ZMAT4: variants seen among roughly 807,000 people sequenced by gnomAD.
ZMAT4 encodes zinc finger matrin-type 4.
In ZMAT4, 17 loss-of-function variants were observed where a neutral mutation model predicts 28.7. The ratio of observed to expected loss-of-function variants is 0.59; its 90% CI spans 0.41 to 0.89. The LOEUF (loss-of-function observed/expected upper bound fraction) is 0.89. ZMAT4 is among the 40% of genes least tolerant of loss of function. ZMAT4 has a pLI of 0.00. For missense variants in ZMAT4, 240 were observed against 283.8 expected, an observed-to-expected ratio of 0.85 and a Z score of 1.11; for synonymous variants, 117 against 109.2, an observed-to-expected ratio of 1.07 and a Z score of -0.44.
At chr8:40,777,615 G>T (rs186342131) in intron 2 of ZMAT4, among the ~76,000 whole-genome samples, 1 of 152,228 alleles carries the variant, frequency 6.6e-6, no homozygotes, top group East Asian at 1.9e-4. Context: ...GCAGAGGGGC[G>T]GAGGGCATGG....
At chr8:40,827,083 T>A (rs970597858) in intron 1 of ZMAT4, among the ~76,000 whole-genome samples, 1 of 152,208 alleles carries the variant, frequency 6.6e-6, no homozygotes, top group African/African-American at 2.4e-5. Context: ...AAAGTTACAT[T>A]GCTAGTCATT....
chr8:40,814,267 T>A (rs563364829), intron 2 of ZMAT4, among the ~76,000 whole-genome samples: 1 of 152,314 alleles, frequency 6.6e-6, no homozygotes, highest in South Asian at 2.1e-4. Context: ...CAAAGACACA[T>A]GGTTTTGCTC....
intron 1 of ZMAT4, among the ~76,000 whole-genome samples, chr8:40,848,665 A>G (rs1011276795): frequency 2.6e-5 from 4 of 152,100 alleles, no homozygotes; most frequent in Non-Finnish European, 5.9e-5. Context: ...CCACATCATC[A>G]CACTGTTACA....
At chr8:40,638,441 T>C (rs1806878310) in intron 5 of ZMAT4, among the ~76,000 whole-genome samples, 1 of 152,204 alleles carries the variant, frequency 6.6e-6, no homozygotes, top group African/African-American at 2.4e-5. Context: ...CATTCCACAG[T>C]TCAAGTAAGG....
At chr8:40,722,907 T>C (rs760449349) in intron 3 of ZMAT4, among the ~76,000 whole-genome samples, 1 of 152,040 alleles carries the variant, frequency 6.6e-6, no homozygotes, top group Non-Finnish European at 1.5e-5. Flanking sequence ...ACATACAAAT[T>C]CTCAACACAA....
chr8:40,760,424 A>G (rs1812875652), intron 3 of ZMAT4, among the ~76,000 whole-genome samples: 1 of 152,160 alleles, frequency 6.6e-6, no homozygotes, highest in Non-Finnish European at 1.5e-5. Flanking sequence ...TGGCCAACCC[A>G]GTCTCCATCC....
At chr8:40,557,262 G>T (rs1803573195) in intron 6 of ZMAT4, among the ~76,000 whole-genome samples, 1 of 151,802 alleles carries the variant, frequency 6.6e-6, no homozygotes, top group South Asian at 2.1e-4. Flanking sequence ...ATGAATATAT[G>T]GTATATATAC....
intron 1 of ZMAT4, among the ~76,000 whole-genome samples, chr8:40,891,459 C>T (rs192731681): frequency 2.6e-4 from 40 of 152,024 alleles, no homozygotes; most frequent in East Asian, 2.4e-3. Flanking sequence ...TCTGGGCTGA[C>T]GCACCGCTCT....
rs111595869 is a variant in ZMAT4 at position 40,894,082 on chromosome 8, G to T, written c.-5+3601C>A. Among the ~76,000 whole-genome samples, 638 of 152,356 alleles carry T rather than the reference G, an allele frequency of 4.2e-3. 1 individual carries two copies. The highest frequency in any genetic ancestry group is 0.014 in the African/African-American group (600 of 41,586). On this transcript the variant is annotated intron_variant, in intron 1 of 6. Coordinates refer to ENST00000297737, the MANE Select transcript of ZMAT4 (RefSeq NM_024645.3). ...GAGAGCACAGCAGGCAAATTTCCCT[G>T]CATGCTAATGTTTCCAAGGTCAGCT... is the stretch of plus-strand genomic sequence containing the variant.
At chr8:40,679,010 C>T (rs1809028882) in intron 4 of ZMAT4, among the ~76,000 whole-genome samples, 1 of 152,120 alleles carries the variant, frequency 6.6e-6, no homozygotes, top group Non-Finnish European at 1.5e-5. Context: ...TACAATCAGC[C>T]CCAAATATTT....
chr8:40,786,819 A>T, intron 2 of ZMAT4: 2 of 1,092,432 alleles, frequency 1.8e-6, no homozygotes, highest in Non-Finnish European at 2.5e-6. Flanking sequence ...GTGCTTACAG[A>T]AGAAAATTGG....
chr8:40,683,273 C>A (rs971357166), intron 4 of ZMAT4, among the ~76,000 whole-genome samples: 1 of 152,130 alleles, frequency 6.6e-6, no homozygotes, highest in South Asian at 2.1e-4. Context: ...TCTGTCCAGA[C>A]GGATCTGAAA....
Position 40,697,391 on chromosome 8 carries a change from G to C in ZMAT4, c.203C>G (p.Ala68Gly). ...KRLRSENGSDADMVDKNKCCT... is the reference protein window; with the variant it reads ...KRLRSENGSDGDMVDKNKCCT... ...GCACTTGTTCTTATCCACCATGTCG[G>C]CATCACTTCCCTGCGCAGGGAGAAA... Residue 68 changes from alanine (A) to glycine (G), a missense_variant, in exon 4 of 7, where the codon GCC becomes GGC. By Grantham distance (60) the Ala-to-Gly change is moderately conservative (BLOSUM62 0). Coordinates refer to ENST00000297737, the MANE Select transcript of ZMAT4 (RefSeq NM_024645.3). The C allele has an allele frequency of 6.3e-7, 1 of 1,590,380 alleles. No homozygotes were observed. Among genetic ancestry groups the C allele is most frequent in the East Asian group, 2.3e-5 (1 of 44,042 alleles).
chr8:40,783,565 T>G (rs1044737307), intron 2 of ZMAT4, among the ~76,000 whole-genome samples: 1 of 152,040 alleles, frequency 6.6e-6, no homozygotes, highest in Admixed American at 6.5e-5. Flanking sequence ...ATGGTAAACT[T>G]CATAGTATTT....
At position 40,587,692 on chromosome 8, in the gene ZMAT4, G is replaced by A. The variant is rs193161654; in HGVS notation, c.578-6431C>T. On this transcript the variant is annotated intron_variant, in intron 5 of 6. Transcript: ENST00000297737. Reference sequence around the variant, plus strand: ...GATTAAGCCAAAATAAGGCAGAAAAGAAGGAATAGCAAAACAGAAAATGGA... The same window carrying A: ...GATTAAGCCAAAATAAGGCAGAAAAAAAGGAATAGCAAAACAGAAAATGGA... 7.2e-5 allele frequency among the ~76,000 whole-genome samples: 11 copies of A among 152,066 alleles called. No individual in the cohort carries two copies. In the East Asian group the frequency reaches 2.1e-3, roughly 29 times the overall value.
intron 6 of ZMAT4, among the ~76,000 whole-genome samples, chr8:40,572,548 T>A (rs998493760): frequency 2.6e-5 from 4 of 152,138 alleles, no homozygotes. Flanking sequence ...GCCTGGAGTG[T>A]TCCCTAAGCT....
chr8:40,760,220 C>T (rs544661490), intron 3 of ZMAT4, among the ~76,000 whole-genome samples: 39 of 152,342 alleles, frequency 2.6e-4, no homozygotes, highest in African/African-American at 9.4e-4. Flanking sequence ...CAACACCCAG[C>T]TCCTTCTAGC....
At chr8:40,629,855 C>T (rs1050598541) in intron 5 of ZMAT4, among the ~76,000 whole-genome samples, 11 of 152,036 alleles carry the variant, frequency 7.2e-5, no homozygotes, top group African/African-American at 2.4e-4. Context: ...TGAGTAGTGC[C>T]GCTATAAACA....
At chr8:40,549,910 T>G (rs1370447404) in intron 6 of ZMAT4, among the ~76,000 whole-genome samples, 3 of 152,162 alleles carry the variant, frequency 2.0e-5, no homozygotes, top group Non-Finnish European at 4.4e-5. Context: ...TCTCCCTTTT[T>G]GTCTTCTTGT....
Sources: allele counts gnomAD v4.1 joint callset (sites outside exome capture counted in the v4.1 genomes callset), GRCh38; gene constraint gnomAD v4.1.1; transcripts MANE v1.5; gene names NCBI Gene and HGNC (gene_info 2026-07-23, HGNC 2026-07-21).